ROBO1: variants seen among roughly 807,000 people sequenced by gnomAD.
The protein encoded by ROBO1 is roundabout guidance receptor 1, also known as roundabout homolog 1.
Under a neutral mutation model 195.9 loss-of-function variants are expected in ROBO1, and 149 were observed. The observed-to-expected ratio is 0.76, with a 90% CI of 0.67 to 0.87. The LOEUF (loss-of-function observed/expected upper bound fraction) is 0.87, where lower values mean the gene tolerates loss of function less well. Ranked by LOEUF, ROBO1 falls within the 40% of genes least tolerant of loss-of-function variation. The pLI is 0.00. For synonymous variants in ROBO1, 816 were observed against 733.2 expected, an observed-to-expected ratio of 1.11 and a Z score of -1.82; for missense variants, 1,933 against 2,068.3, an observed-to-expected ratio of 0.93 and a Z score of 1.27.
chr3:79,112,480 G>A (rs1472588258), intron 3 of ROBO1, among the ~76,000 whole-genome samples: 2 of 152,132 alleles, frequency 1.3e-5, no homozygotes, highest in East Asian at 3.9e-4. Flanking sequence ...CAGAGACAAA[G>A]CAAACATAGT....
At position 79,123,414 on chromosome 3, in the gene ROBO1, G is replaced by A. The variant is rs186801563; in HGVS notation, c.172+2042C>T. ...TTAACTATTACTCCTCAACTATATA[G>A]CCAATTGGTATCTTTCTTTACAGTT... is the stretch of plus-strand genomic sequence containing the variant. On this transcript the variant is annotated intron_variant, in intron 3 of 30. Transcript: ENST00000464233. 1.8e-3 allele frequency among the ~76,000 whole-genome samples: 277 copies of A among 151,996 alleles called. 1 individual carries two copies. The highest frequency in any genetic ancestry group is 6.4e-3 in the African/African-American group (266 of 41,530).
At position 78,938,803 on chromosome 3, in the gene ROBO1, A is replaced by G. The variant is rs1434254996; in HGVS notation, c.297T>C (p.Ile99=). 4.3e-6 allele frequency: 7 copies of G among 1,613,952 alleles called. No individual in the cohort carries two copies. The highest frequency in any genetic ancestry group is 5.1e-6 in the Non-Finnish European group (6 of 1,179,886). ...CTCTCTCTCCCCCTTTGTACCATTC[A>G]ATAGTGGGTGTGGGGCGGCCTTCAG... is the stretch of plus-strand genomic sequence containing the variant. The part of the protein sequence containing the change: ...CKAEGRPTPT[I]EWYKGGERVE... Residue 99 remains isoleucine, a synonymous_variant, in exon 4 of 31, where the codon ATT becomes ATC. Transcript: ENST00000464233.
intron 2 of ROBO1, among the ~76,000 whole-genome samples, chr3:79,166,078 A>G (rs1466659479): frequency 6.6e-6 from 1 of 152,148 alleles, no homozygotes; most frequent in Non-Finnish European, 1.5e-5. Flanking sequence ...ACAATAGCGC[A>G]AACCAACTCA....
At chr3:78,755,007 C>T (rs1042442502) in intron 4 of ROBO1, among the ~76,000 whole-genome samples, 1 of 152,024 alleles carries the variant, frequency 6.6e-6, no homozygotes, top group Non-Finnish European at 1.5e-5. Context: ...TTGGTAGGGA[C>T]GACAGGGACC....
intron 2 of ROBO1, among the ~76,000 whole-genome samples, chr3:79,312,243 T>G (rs1449576868): frequency 6.6e-6 from 1 of 152,200 alleles, no homozygotes; most frequent in Non-Finnish European, 1.5e-5. Context: ...TGCTCTCAAG[T>G]CAACTGTAAC....
At chr3:79,018,972 A>C (rs1225596377) in intron 3 of ROBO1, 31 of 989,288 alleles carry the variant, frequency 3.1e-5, no homozygotes, top group Non-Finnish European at 3.6e-5. Flanking sequence ...ATAGCAGCCA[A>C]AGTAGAAGCA....
At chr3:78,755,887 C>T (rs563088240) in intron 4 of ROBO1, among the ~76,000 whole-genome samples, 2 of 152,230 alleles carry the variant, frequency 1.3e-5, no homozygotes, top group South Asian at 2.1e-4. Flanking sequence ...GCTTTAAATT[C>T]AGCCCTTGAT....
intron 3 of ROBO1, among the ~76,000 whole-genome samples, chr3:78,985,204 G>A (rs2077078955): frequency 6.6e-6 from 1 of 152,088 alleles, no homozygotes; most frequent in Admixed American, 6.6e-5. Context: ...GGAGGCTGAG[G>A]TGGGAGGATC....
At chr3:79,757,505 CT>C (rs1704470184) in intron 1 of ROBO1, among the ~76,000 whole-genome samples, 1 of 144,146 alleles carries the variant, frequency 6.9e-6, no homozygotes. Flanking sequence ...CTCTCTCTCT[CT>C]CTCCATATAT....
chr3:79,389,495 T>C (rs1329236640), intron 2 of ROBO1, among the ~76,000 whole-genome samples: 2 of 151,964 alleles, frequency 1.3e-5, no homozygotes, highest in African/African-American at 4.8e-5. Flanking sequence ...AAAGAGGAAA[T>C]AGAAAATATT....
chr3:79,061,276 T>C (rs1199793933), intron 3 of ROBO1, among the ~76,000 whole-genome samples: 1 of 152,082 alleles, frequency 6.6e-6, no homozygotes, highest in Non-Finnish European at 1.5e-5. Flanking sequence ...ATAAAATACC[T>C]AGAAATCCAA....
chr3:79,253,025 T>C (rs529368506), intron 2 of ROBO1, among the ~76,000 whole-genome samples: 1 of 152,180 alleles, frequency 6.6e-6, no homozygotes, highest in East Asian at 1.9e-4. Context: ...ATTAAGCATA[T>C]ACTGTAGCTT....
intron 10 of ROBO1, among the ~76,000 whole-genome samples, chr3:78,684,240 T>A (rs1309225959): frequency 1.3e-5 from 2 of 152,126 alleles, no homozygotes; most frequent in African/African-American, 4.8e-5. Context: ...AGAACCTAAG[T>A]GTATTTTACT....
chr3:79,591,814 T>C (rs569538581), intron 1 of ROBO1, among the ~76,000 whole-genome samples: 2 of 151,830 alleles, frequency 1.3e-5, no homozygotes, highest in African/African-American at 4.8e-5. Context: ...GGCTGGCTTT[T>C]GATATAACAG....
At chr3:79,021,239 G>T (rs961657700) in intron 3 of ROBO1, among the ~76,000 whole-genome samples, 1 of 152,092 alleles carries the variant, frequency 6.6e-6, no homozygotes, top group Non-Finnish European at 1.5e-5. Flanking sequence ...TCTTGCTAAA[G>T]GATATTTAGT....
intron 1 of ROBO1, among the ~76,000 whole-genome samples, chr3:79,667,550 T>A (rs968423296): frequency 6.6e-6 from 1 of 151,844 alleles, no homozygotes; most frequent in African/African-American, 2.4e-5. Flanking sequence ...TAAAGTATCT[T>A]AATACTGTTT....
At chr3:78,748,390 A>C (rs890591442) in intron 4 of ROBO1, among the ~76,000 whole-genome samples, 2 of 152,074 alleles carry the variant, frequency 1.3e-5, no homozygotes, top group Non-Finnish European at 2.9e-5. Flanking sequence ...GGTTGTGGTG[A>C]GCTGAGATCG....
chr3:79,118,910 T>C (rs79489843), intron 3 of ROBO1, among the ~76,000 whole-genome samples: 4,007 of 151,528 alleles, frequency 0.026, 175 homozygotes, highest in African/African-American at 0.089. Flanking sequence ...CAGTTAAAAC[T>C]ATTTATCAAA....
At chr3:79,598,403 G>A (rs1576092390) in intron 1 of ROBO1, among the ~76,000 whole-genome samples, 2 of 152,056 alleles carry the variant, frequency 1.3e-5, no homozygotes, top group Admixed American at 1.3e-4. Context: ...TATACTCCTA[G>A]ACTTCCAAAA....
Sources: gnomAD v4.1 joint callset for allele counts (sites outside exome capture counted in the v4.1 genomes callset) on GRCh38, gnomAD v4.1.1 for gene constraint, MANE v1.5 for transcripts, NCBI Gene and HGNC (gene_info 2026-07-23, HGNC 2026-07-21) for gene names.